The following KANK1 variants were observed in gnomAD, a reference collection of about 807,000 sequenced individuals.
KANK1 encodes the protein KN motif and ankyrin repeat domain-containing protein 1.
A neutral mutation model predicts 106.2 loss-of-function variants in KANK1; 109 were observed. The ratio of observed to expected loss-of-function variants is 1.03; its 90% CI spans 0.88 to 1.20. The LOEUF (loss-of-function observed/expected upper bound fraction) is 1.20. Among genes scored for constraint, KANK1 ranks in the 50% most tolerant of loss-of-function variants. The pLI, the probability that KANK1 is intolerant of heterozygous loss-of-function variation, is 0.00. For missense variants in KANK1, 2,399 were observed against 1,710.7 expected, an observed-to-expected ratio of 1.40 and a Z score of -7.10; for synonymous variants, 873 against 652.2, an observed-to-expected ratio of 1.34 and a Z score of -5.16.
chr9:610,257 A>T (rs983454396), intron 1 of KANK1, among the ~76,000 whole-genome samples: 3 of 152,216 alleles, frequency 2.0e-5, no homozygotes, highest in Non-Finnish European at 4.4e-5. Context: ...AAGTAACACA[A>T]TTATCCTAAT....
chr9:640,280 C>T (rs1247682008), intron 1 of KANK1, among the ~76,000 whole-genome samples: 2 of 152,058 alleles, frequency 1.3e-5, no homozygotes, highest in Non-Finnish European at 2.9e-5. Flanking sequence ...CTCGCTCTGT[C>T]GCCTGGGCTG....
Position 744,587 on chromosome 9 carries a change from C to T in KANK1, c.3994C>T (p.Pro1332Ser), listed in dbSNP as rs768866619. The part of the protein sequence containing the change: ...AHVNFAKAQS[P>S]GTPRLGRKTS... ...TGTCAACTTTGCAAAAGCCCAGTCT[C>T]CGGTCAGTGTTGTGCATTTGGCATT... The change falls in exon 11 of 12, where the codon CCG (proline) becomes TCG (serine). Residue 1332 changes from proline (P) to serine (S), a missense_variant and splice_region_variant. Pro to Ser is a moderately conservative substitution (Grantham distance 74). Transcript: ENST00000382297. 1.2e-6 allele frequency: 2 copies of T among 1,614,170 alleles called. No individual in the cohort carries two copies. Among genetic ancestry groups the T allele is most frequent in the Non-Finnish European group, 1.7e-6 (2 of 1,180,028 alleles).
chr9:666,989 C>A (rs560639959), intron 1 of KANK1, among the ~76,000 whole-genome samples: 1 of 76,316 alleles, frequency 1.3e-5, no homozygotes, highest in South Asian at 6.2e-4. Context: ...TTGAGCATTC[C>A]TTCCTCTTCA....
chr9:653,216 T>C (rs1407788514), intron 1 of KANK1, among the ~76,000 whole-genome samples: 3 of 151,982 alleles, frequency 2.0e-5, no homozygotes, highest in African/African-American at 4.8e-5. Flanking sequence ...ACATGAAGAG[T>C]CTGAGGCCCA....
intron 1 of KANK1, among the ~76,000 whole-genome samples, chr9:606,743 T>C (rs1008166443): frequency 7.9e-5 from 12 of 151,480 alleles, no homozygotes; most frequent in African/African-American, 2.9e-4. Flanking sequence ...AAAAGTAGAA[T>C]TTTTATCTGT....
chr9:731,117 G>A, intron 4 of KANK1, 41 bp from the exon 5 acceptor site: 1 of 1,052,592 alleles, frequency 9.5e-7, no homozygotes, highest in Non-Finnish European at 1.5e-6. Context: ...TAACATGTAT[G>A]GGTGTGAGTT....
At chr9:472,027 A>T (rs1173777407) in intron 2 of KANK1, among the ~76,000 whole-genome samples, 1 of 152,228 alleles carries the variant, frequency 6.6e-6, no homozygotes, top group Admixed American at 6.5e-5. Flanking sequence ...ACTGACAAAA[A>T]AGAGCCCTGC....
At chr9:476,820 A>G (rs1415673651) in intron 3 of KANK1, 1 of 152,190 alleles carries the variant, frequency 6.6e-6, no homozygotes, top group Admixed American at 6.5e-5. Context: ...ATGTTTTTCT[A>G]GCTGTGTTTT....
chr9:594,784 G>A (rs149869174), intron 1 of KANK1, among the ~76,000 whole-genome samples: 2 of 151,892 alleles, frequency 1.3e-5, no homozygotes, highest in East Asian at 3.9e-4. Flanking sequence ...CACTTTAAAT[G>A]AGGAGAAGGC....
chr9:530,305 A>C (rs1057139517), intron 1 of KANK1, among the ~76,000 whole-genome samples: 10 of 152,202 alleles, frequency 6.6e-5, no homozygotes, highest in African/African-American at 2.4e-4. Context: ...CCATCTTAAA[A>C]TTATTATTTT....
intron 1 of KANK1, among the ~76,000 whole-genome samples, chr9:636,758 T>C (rs1052960736): frequency 6.6e-6 from 1 of 152,184 alleles, no homozygotes; most frequent in African/African-American, 2.4e-5. Context: ...TCCCAGCTAC[T>C]CAGGAGGCTG....
At chr9:698,085 G>A (rs1346523174) in intron 2 of KANK1, among the ~76,000 whole-genome samples, 2 of 152,146 alleles carry the variant, frequency 1.3e-5, no homozygotes, top group East Asian at 1.9e-4. Flanking sequence ...CAGGCCTATC[G>A]TCTACCTTTA....
chr9:599,017 A>G (rs1315052097), intron 1 of KANK1, among the ~76,000 whole-genome samples: 1 of 129,746 alleles, frequency 7.7e-6, no homozygotes, highest in Non-Finnish European at 1.7e-5. Flanking sequence ...ATTTATTATT[A>G]TTATTTTTTT....
chr9:652,208 G>A (rs11791156), intron 1 of KANK1, among the ~76,000 whole-genome samples: 29,553 of 152,084 alleles, frequency 0.19, 3,136 homozygotes, highest in East Asian at 0.32. Flanking sequence ...GCTATATGTA[G>A]AAGTACATTC....
At chr9:545,067 G>T (rs2060849249) in intron 1 of KANK1, among the ~76,000 whole-genome samples, 1 of 151,360 alleles carries the variant, frequency 6.6e-6, no homozygotes, top group East Asian at 1.9e-4. Flanking sequence ...GGCTGAGGAG[G>T]AGAATCTCTG....
At chr9:710,381 G>T (rs1409237933) in intron 2 of KANK1, among the ~76,000 whole-genome samples, 1 of 152,058 alleles carries the variant, frequency 6.6e-6, no homozygotes, top group African/African-American at 2.4e-5. Context: ...ACTTTGGGAG[G>T]CCAGGTTGGG....
chr9:555,047 G>A (rs2061498110), intron 1 of KANK1, among the ~76,000 whole-genome samples: 1 of 152,212 alleles, frequency 6.6e-6, no homozygotes, highest in South Asian at 2.1e-4. Context: ...GTTGGCACGT[G>A]AAATTAACCT....
intron 1 of KANK1, among the ~76,000 whole-genome samples, chr9:598,708 G>T (rs1217776968): frequency 8.5e-6 from 1 of 117,066 alleles, no homozygotes; most frequent in Admixed American, 1.1e-4. Context: ...TCGGCTCACT[G>T]CAACCTCCTC....
rs1442870883 is a variant in KANK1, at chr9:682,593, T to C, written c.37+5584T>C. On this transcript the variant is annotated intron_variant, in intron 2 of 11. Transcript: ENST00000382297. The stretch of plus-strand genomic sequence containing the variant: ...AAGTATTCTTTTTTTGTTTGGATGT[T>C]TGGACTGCTTCCACATTTTCCCTAT... Among the ~76,000 whole-genome samples the C allele has an allele frequency of 3.9e-5, 6 of 152,320 alleles. No homozygotes were observed. In the South Asian group the frequency reaches 1.2e-3, roughly 32 times the overall value.
Sources: gnomAD v4.1 joint callset for allele counts (sites outside exome capture counted in the v4.1 genomes callset) on GRCh38, gnomAD v4.1.1 for gene constraint, MANE v1.5 for transcripts, NCBI Gene and HGNC (gene_info 2026-07-23, HGNC 2026-07-21) for gene names.